The following ATP8B4 variants were observed in gnomAD, a reference collection of about 807,000 sequenced individuals.
ATP8B4 encodes the protein probable phospholipid-transporting ATPase IM.
In ATP8B4, 133 loss-of-function variants were observed where a neutral mutation model predicts 145.6. That is an observed-to-expected ratio of 0.91 (90% CI 0.79 to 1.05). The LOEUF is 1.05. Among genes scored for constraint, ATP8B4 ranks in the 50% least tolerant of loss-of-function variants. The probability of loss-of-function intolerance (pLI) is 0.00; values close to 1 mark genes in which losing one functional copy is unlikely to be tolerated. For synonymous variants in ATP8B4, 507 were observed against 492.9 expected (o/e 1.03, Z -0.38); for missense variants, 1,458 against 1,425.2 (o/e 1.02, Z -0.37).
chr15:49,975,686 A>G (rs1224175070), intron 12 of ATP8B4, among the ~76,000 whole-genome samples: 2 of 152,218 alleles, frequency 1.3e-5, no homozygotes, highest in Non-Finnish European at 2.9e-5. Flanking sequence ...AAAGCTTTTA[A>G]TTTTTTTAAT....
chr15:50,050,204 C>T (rs1017481345), intron 3 of ATP8B4, among the ~76,000 whole-genome samples: 1 of 152,208 alleles, frequency 6.6e-6, no homozygotes, highest in African/African-American at 2.4e-5. Flanking sequence ...TCTCTTAAAA[C>T]ATGATGCCTA....
intron 20 of ATP8B4, among the ~76,000 whole-genome samples, chr15:49,907,104 T>C (rs2038707028): frequency 6.6e-6 from 1 of 151,968 alleles, no homozygotes; most frequent in Admixed American, 6.5e-5. Flanking sequence ...ACAACAACCC[T>C]AAGAGAGCAG....
At chr15:49,913,387 A>G (rs2039433038) in intron 20 of ATP8B4, among the ~76,000 whole-genome samples, 1 of 152,120 alleles carries the variant, frequency 6.6e-6, no homozygotes, top group South Asian at 2.1e-4. Flanking sequence ...ACATAATACA[A>G]TCCATATATG....
rs1336454413 is a variant in ATP8B4, at chr15:49,962,015, C to CT, written c.1248dup (p.Val417SerfsTer3). On this transcript the variant is annotated frameshift_variant, in exon 14 of 28. Transcript: ENST00000284509. LOFTEE classifies it high-confidence loss of function. ...GTCTTCTGATCCAGGTCATCATGTA[C>CT]TTCACCTGACAAAACAAAAATTGAG... 4 of 1,591,494 alleles carry CT rather than the reference C, an allele frequency of 2.5e-6. No homozygotes were observed. In the African/African-American group the frequency reaches 5.5e-5, roughly 22 times the overall value.
chr15:50,157,137 A>T (rs965038350), intron 1 of ATP8B4, among the ~76,000 whole-genome samples: 18 of 152,216 alleles, frequency 1.2e-4, no homozygotes, highest in African/African-American at 3.9e-4. Flanking sequence ...CCACAGATAG[A>T]ATATAAGTTC....
At chr15:50,149,698 A>G (rs1489040448) in intron 1 of ATP8B4, among the ~76,000 whole-genome samples, 1 of 152,218 alleles carries the variant, frequency 6.6e-6, no homozygotes, top group Non-Finnish European at 1.5e-5. Context: ...AATAAATGAT[A>G]TGTATTTGGG....
chr15:50,091,075 A>G (rs1456984554), intron 2 of ATP8B4, among the ~76,000 whole-genome samples: 1 of 152,194 alleles, frequency 6.6e-6, no homozygotes, highest in Non-Finnish European at 1.5e-5. Flanking sequence ...ACATGCTTTA[A>G]GATTTCATTC....
At chr15:49,900,260 G>C (rs1241729207) in intron 21 of ATP8B4, among the ~76,000 whole-genome samples, 1 of 152,158 alleles carries the variant, frequency 6.6e-6, no homozygotes, top group Non-Finnish European at 1.5e-5. Context: ...TAAGCACTAA[G>C]AGCTAACAAC....
chr15:49,922,447 C>A (rs1212334273), intron 17 of ATP8B4: 3 of 426,692 alleles, frequency 7.0e-6, no homozygotes, highest in Admixed American at 2.8e-5. Context: ...ATTGGAAAGA[C>A]AAAAAACAAT....
intron 20 of ATP8B4, among the ~76,000 whole-genome samples, chr15:49,910,350 C>A (rs946543986): frequency 6.6e-6 from 1 of 152,102 alleles, no homozygotes; most frequent in Non-Finnish European, 1.5e-5. Flanking sequence ...ACGTGCGAGA[C>A]AACATAAAGC....
chr15:50,000,583 A>G (rs905305018), intron 8 of ATP8B4, among the ~76,000 whole-genome samples: 1 of 152,112 alleles, frequency 6.6e-6, no homozygotes, highest in Non-Finnish European at 1.5e-5. Flanking sequence ...AAGTTTTTTT[A>G]AAATATATTC....
At chr15:50,174,542 C>T (rs949387647) in intron 1 of ATP8B4, among the ~76,000 whole-genome samples, 1 of 138,082 alleles carries the variant, frequency 7.2e-6, no homozygotes, top group Non-Finnish European at 1.5e-5. Context: ...ATCCCTTTTA[C>T]AATCACTGCA....
rs141998930 is a variant in ATP8B4 at position 50,022,320 on chromosome 15, C to T, written c.363-11403G>A. 1.4e-4 allele frequency among the ~76,000 whole-genome samples: 22 copies of T among 152,312 alleles called. 1 individual carries two copies. The East Asian group carries it at 3.7e-3, about 25-fold the overall frequency. On this transcript the variant is annotated intron_variant, in intron 6 of 27. Coordinates refer to ENST00000284509, the MANE Select transcript of ATP8B4 (RefSeq NM_024837.4). ...CCTAAGTACCCCTTCTTTAGTGCTT[C>T]CGTTGAGGTCCATCAACACATCCAT...
At chr15:50,066,293 T>C (rs575969270) in intron 3 of ATP8B4, among the ~76,000 whole-genome samples, 7 of 152,204 alleles carry the variant, frequency 4.6e-5, no homozygotes, top group Admixed American at 2.0e-4. Context: ...CAGAAGCCAT[T>C]TTCAATGTTT....
chr15:50,139,034 C>A (rs1426940271), intron 1 of ATP8B4, among the ~76,000 whole-genome samples: 2 of 152,072 alleles, frequency 1.3e-5, no homozygotes, highest in African/African-American at 4.8e-5. Context: ...TGTGGCGATT[C>A]CTGAAGGATC....
At position 50,089,655 on chromosome 15, in the gene ATP8B4, T is replaced by A. The variant is rs540707692; in HGVS notation, c.29-15470A>T. On this transcript the variant is annotated intron_variant, in intron 2 of 27. Transcript: ENST00000284509. ...AGTGAGGCTGTGGAGAAACAGGAACTTTTTTTTTTCTTTCTTTCTTTTTTT... is the reference window on the plus strand; with the variant it reads ...AGTGAGGCTGTGGAGAAACAGGAACATTTTTTTTTCTTTCTTTCTTTTTTT... Among the ~76,000 whole-genome samples, 28 of 149,670 alleles carry A rather than the reference T, an allele frequency of 1.9e-4. No homozygotes were observed. In the East Asian group the frequency reaches 5.3e-3, roughly 29 times the overall value.
At chr15:50,073,787 T>C (rs1052628335) in intron 3 of ATP8B4, among the ~76,000 whole-genome samples, 7 of 152,160 alleles carry the variant, frequency 4.6e-5, no homozygotes, top group Admixed American at 3.3e-4. Context: ...CGTCACTACA[T>C]CCATCACTAA....
chr15:50,165,258 G>A (rs1480551890), intron 1 of ATP8B4, among the ~76,000 whole-genome samples: 4 of 152,162 alleles, frequency 2.6e-5, no homozygotes, highest in African/African-American at 9.6e-5. Context: ...TTACCCTGTT[G>A]GCTAGGCTGG....
At chr15:49,961,948 C>T (rs556839473) in intron 14 of ATP8B4, 29 bp downstream of exon 14, 354 of 1,552,942 alleles carry the variant, frequency 2.3e-4, no homozygotes, top group Middle Eastern at 1.7e-3. Flanking sequence ...GAAATTAAAA[C>T]TAAGAATAAA....
Sources: allele counts gnomAD v4.1 joint callset (sites outside exome capture counted in the v4.1 genomes callset), GRCh38; gene constraint gnomAD v4.1.1; transcripts MANE v1.5; gene names NCBI Gene and HGNC (gene_info 2026-07-23, HGNC 2026-07-21).